The following CCDC171 variants were observed in gnomAD, a reference collection of about 807,000 sequenced individuals.
CCDC171 encodes the protein coiled-coil domain containing 171.
CCDC171 carries 177 observed loss-of-function variants against 168.2 expected under a neutral mutation model. That is an observed-to-expected ratio of 1.05 (90% CI 0.93 to 1.19). CCDC171 has a LOEUF of 1.19. Ranked by LOEUF, CCDC171 falls within the 50% of genes most tolerant of loss-of-function variation. CCDC171 has a pLI of 0.00. For missense variants in CCDC171, 1,991 were observed against 1,539.0 expected (o/e 1.29, Z -4.91); for synonymous variants, 687 against 540.8 (o/e 1.27, Z -3.75).
At chr9:16,013,974 G>A (rs1192071502) in intron 3 of CCDC171, among the ~76,000 whole-genome samples, 3 of 152,196 alleles carry the variant, frequency 2.0e-5, no homozygotes, top group Non-Finnish European at 4.4e-5. Context: ...GAAGGCTGGG[G>A]TGGCTGTGAC....
intron 18 of CCDC171, among the ~76,000 whole-genome samples, chr9:15,769,887 G>C (rs2056924318): frequency 1.3e-5 from 2 of 152,146 alleles, no homozygotes; most frequent in African/African-American, 4.8e-5. Context: ...TCCTTCAAAA[G>C]AGTTACTGAA....
chr9:15,828,483 A>T (rs939429241), intron 21 of CCDC171, among the ~76,000 whole-genome samples: 6 of 152,176 alleles, frequency 3.9e-5, no homozygotes, highest in Non-Finnish European at 5.9e-5. Flanking sequence ...GTATATTTTT[A>T]GATTTATATG....
intron 11 of CCDC171, among the ~76,000 whole-genome samples, chr9:15,715,518 A>G (rs577730910): frequency 1.3e-5 from 2 of 152,332 alleles, no homozygotes; most frequent in East Asian, 1.9e-4. Flanking sequence ...AACTCATTTG[A>G]ACATTATTTC....
the CCDC171 span, among the ~76,000 whole-genome samples, chr9:16,100,574 C>T: frequency 6.6e-6 from 1 of 152,154 alleles, no homozygotes; most frequent in African/African-American, 2.4e-5. Context: ...CTTGAGTGTC[C>T]AAATAAAAGG....
Position 15,777,677 on chromosome 9 carries a change from A to C in CCDC171, c.2749A>C (p.Ser917Arg). The C allele has an allele frequency of 6.2e-7, 1 of 1,614,020 alleles. No homozygotes were observed. The highest frequency in any genetic ancestry group is 8.5e-7 in the Non-Finnish European group (1 of 1,179,932). ...TTTTGCAAAACTCATGGATAAAATT[A>C]GTCTGGTAATGGAATGTATACCTCT... is the stretch of plus-strand genomic sequence containing the variant. ...NSFAKLMDKI[S>R]LVMECIPLHS... The change falls in exon 19 of 26, where the codon AGT (serine) becomes CGT (arginine). Residue 917 changes from serine to arginine, a missense_variant. Coordinates refer to ENST00000380701, the MANE Select transcript of CCDC171 (RefSeq NM_173550.4).
intron 14 of CCDC171, among the ~76,000 whole-genome samples, chr9:15,727,449 G>C (rs560613481): frequency 3.4e-4 from 52 of 152,248 alleles, no homozygotes; most frequent in African/African-American, 1.2e-3. Context: ...TTGACAAGTA[G>C]TATCTATTTT....
chr9:15,936,091 G>A (rs1330392375), intron 25 of CCDC171, among the ~76,000 whole-genome samples: 1 of 152,084 alleles, frequency 6.6e-6, no homozygotes, highest in Non-Finnish European at 1.5e-5. Flanking sequence ...AATAGGTACT[G>A]TTGGCAGGTG....
intron 25 of CCDC171, among the ~76,000 whole-genome samples, chr9:15,944,628 T>C (rs1185263924): frequency 1.3e-5 from 2 of 152,034 alleles, no homozygotes; most frequent in African/African-American, 2.4e-5. Flanking sequence ...AGCCCATTCA[T>C]AGTAGCTAGG....
chr9:15,744,068 A>C (rs1440442110), intron 16 of CCDC171, among the ~76,000 whole-genome samples: 1 of 152,230 alleles, frequency 6.6e-6, no homozygotes, highest in African/African-American at 2.4e-5. Context: ...AGAGGATTTA[A>C]AAATCAATGT....
chr9:15,689,131 A>G (rs775188068), intron 10 of CCDC171, among the ~76,000 whole-genome samples: 6 of 152,244 alleles, frequency 3.9e-5, no homozygotes, highest in Admixed American at 2.0e-4. Context: ...AATAAAGAAT[A>G]TAATACTTAG....
rs776604652 is a variant in CCDC171 at position 15,727,990 on chromosome 9, A to T, written c.1814A>T (p.Glu605Val). The change falls in exon 15 of 26, where the codon GAG (glutamate) becomes GTG (valine). Residue 605 changes from glutamate (E) to valine (V), a missense_variant. By Grantham distance (121) the Glu-to-Val change is moderately radical. Transcript: ENST00000380701. ...SWSELCAVLQENVDALIADLN... is the reference protein window; with the variant it reads ...SWSELCAVLQVNVDALIADLN... The stretch of plus-strand genomic sequence containing the variant: ...TCTGAGCTTTGTGCAGTCTTACAGG[A>T]GAATGTTGATGCCCTGATTGCAGAC... 1 of 1,613,044 alleles carries T rather than the reference A, an allele frequency of 6.2e-7. No homozygotes were observed. Among genetic ancestry groups the T allele is most frequent in the Non-Finnish European group, 8.5e-7 (1 of 1,179,446 alleles).
At chr9:15,812,241 A>G (rs59106947) in intron 21 of CCDC171, among the ~76,000 whole-genome samples, 16 of 152,184 alleles carry the variant, frequency 1.1e-4, no homozygotes, top group Admixed American at 5.2e-4. Flanking sequence ...CAAACCTGTT[A>G]TCTTAGATGG....
chr9:15,649,365 A>T (rs2047314651), intron 7 of CCDC171, among the ~76,000 whole-genome samples: 1 of 152,198 alleles, frequency 6.6e-6, no homozygotes, highest in Non-Finnish European at 1.5e-5. Context: ...AAAACACCAA[A>T]AGCAATGGCA....
intron 9 of CCDC171, among the ~76,000 whole-genome samples, chr9:15,676,933 C>G (rs1277319037): frequency 6.6e-6 from 1 of 152,086 alleles, no homozygotes; most frequent in Non-Finnish European, 1.5e-5. Context: ...ACTTATGTTA[C>G]ATTATTATAC....
At chr9:15,876,125 C>T (rs560531431) in intron 24 of CCDC171, 2 of 152,086 alleles carry the variant, frequency 1.3e-5, no homozygotes, top group Admixed American at 6.6e-5. Context: ...CCCAAAATGC[C>T]CTTTTTGGGG....
chr9:15,595,522 C>T (rs2042282688), intron 6 of CCDC171, among the ~76,000 whole-genome samples: 1 of 152,140 alleles, frequency 6.6e-6, no homozygotes, highest in Non-Finnish European at 1.5e-5. Flanking sequence ...TGTATATGTG[C>T]TGCATTTTCT....
At chr9:16,030,979 T>C (rs1031872861) in intron 6 of CCDC171, among the ~76,000 whole-genome samples, 23 of 152,198 alleles carry the variant, frequency 1.5e-4, no homozygotes, top group Non-Finnish European at 4.4e-5. Flanking sequence ...GGCACAAGAA[T>C]ACACTGGAGA....
chr9:15,678,372 A>G (rs757046439), intron 9 of CCDC171, among the ~76,000 whole-genome samples: 16 of 152,038 alleles, frequency 1.1e-4, no homozygotes, highest in Non-Finnish European at 1.9e-4. Context: ...CATTTGTTCC[A>G]TTTCTAATGT....
chr9:15,823,675 A>G (rs1235686249), intron 21 of CCDC171, among the ~76,000 whole-genome samples: 1 of 152,142 alleles, frequency 6.6e-6, no homozygotes, highest in Non-Finnish European at 1.5e-5. Flanking sequence ...GTAATGTTGC[A>G]TGAAAGGCTT....
Sources: gnomAD v4.1 joint callset for allele counts (sites outside exome capture counted in the v4.1 genomes callset) on GRCh38, gnomAD v4.1.1 for gene constraint, MANE v1.5 for transcripts, NCBI Gene and HGNC (gene_info 2026-07-23, HGNC 2026-07-21) for gene names.